CARNS1: variants seen among roughly 807,000 people sequenced by gnomAD.
The protein encoded by CARNS1 is carnosine synthase 1, also known as ATP-grasp domain containing 1.
Under a neutral mutation model 74.0 loss-of-function variants are expected in CARNS1, and 61 were observed. The ratio of observed to expected loss-of-function variants is 0.82; its 90% CI spans 0.67 to 1.02. CARNS1 has a LOEUF of 1.02. CARNS1 is among the 50% of genes least tolerant of loss of function. The probability of loss-of-function intolerance (pLI) is 0.00; values close to 1 mark genes in which losing one functional copy is unlikely to be tolerated. For synonymous variants in CARNS1, 568 were observed against 605.5 expected, an observed-to-expected ratio of 0.94 and a Z score of 0.91; for missense variants, 1,278 against 1,308.4, an observed-to-expected ratio of 0.98 and a Z score of 0.36.
intron 2 of CARNS1, chr11:67,416,757 C>T (rs975199446): frequency 2.4e-5 from 24 of 985,948 alleles, no homozygotes; most frequent in Middle Eastern, 5.2e-4. Context: ...ATTGGGGGGG[C>T]GCCAGCCTCA....
Position 67,423,322 on chromosome 11 carries a change from C to T in CARNS1, c.1627-53C>T. On this transcript the variant is annotated intron_variant, in intron 9 of 9. Coordinates refer to ENST00000687366, the MANE Select transcript of CARNS1 (RefSeq NM_001166222.2). This position sits in a 1 kb window ranked among gnomAD's most constrained non-coding sequence, Gnocchi z 5.1. The stretch of plus-strand genomic sequence containing the variant: ...CCATCCTAGGCCCCATCCTATCCCC[C>T]TAGCACCCAGTACTAGCTGACCTGG... 7.1e-6 allele frequency: 11 copies of T among 1,559,104 alleles called. No individual in the cohort carries two copies. The highest frequency in any genetic ancestry group is 9.6e-6 in the Non-Finnish European group (11 of 1,147,816).
rs1565136202 is a variant in CARNS1 at position 67,419,799 on chromosome 11, GGT to G, written c.1079_1080del (p.Cys360SerfsTer5). On this transcript the variant is annotated frameshift_variant, in exon 7 of 10. Transcript: ENST00000687366. LOFTEE classifies it high-confidence loss of function. Reference sequence around the variant, plus strand: ...GCCTGGCCGTGCGAATCTGTGCTGTGGTGTGTCGGACACAGGGTGATAGGCCA... The same window carrying G: ...GCCTGGCCGTGCGAATCTGTGCTGTGGTGTCGGACACAGGGTGATAGGCCA... Reference protein sequence around the residue: ...PGLAVRICAVVCRTQGDRPLL... With the variant: ...PGLAVRICAVXCRTQGDRPLL... 5 of 1,601,526 alleles carry G rather than the reference GGT, an allele frequency of 3.1e-6. No homozygotes were observed. The highest frequency in any genetic ancestry group is 1.7e-4 in the Middle Eastern group (1 of 6,056).
Position 67,417,406 on chromosome 11 carries a change from G to C in CARNS1, c.4-1G>C, listed in dbSNP as rs1863569646. 1.5e-6 allele frequency: 2 copies of C among 1,349,594 alleles called. No homozygotes were observed. The highest frequency in any genetic ancestry group is 6.1e-5 in the East Asian group (2 of 33,008). The allele number at this position is 1,349,594 out of a possible 1,614,324, so 83.6% of individuals were successfully genotyped here. Reference sequence around the variant, plus strand: ...AAGACCTACCACTTCTGCCCTCTCAGCTCTCCCTGGATCCATCGGGTCCCG... The same window carrying C: ...AAGACCTACCACTTCTGCCCTCTCACCTCTCCCTGGATCCATCGGGTCCCG... On this transcript the variant is annotated splice_acceptor_variant, in intron 2 of 9. Coordinates refer to ENST00000687366, the MANE Select transcript of CARNS1 (RefSeq NM_001166222.2). LOFTEE classifies it high-confidence loss of function.
At position 67,417,545 on chromosome 11, in the gene CARNS1, C is replaced by T; in HGVS notation, c.142C>T (p.Leu48=). The T allele has an allele frequency of 7.1e-7, 1 of 1,409,736 alleles. No homozygotes were observed. Among genetic ancestry groups the T allele is most frequent in the South Asian group, 1.5e-5 (1 of 65,778 alleles). The allele number at this position is 1,409,736 out of a possible 1,614,324, so 87.3% of individuals were successfully genotyped here. ...TGGCTCCTGGCGCCAGGACGTGGGC[C>T]TGGACTGCAAGGGATCCCCCGAGGG... ...FPGSWRQDVG[L]DCKGSPEGAE... is the part of the protein sequence containing the mutation. The change falls in exon 3 of 10, where the codon CTG becomes TTG. Residue 48 remains leucine, a synonymous_variant. Transcript: ENST00000687366.
In CARNS1 at chr11:67,424,900, G is replaced by A. The variant is rs997789381; in HGVS notation, c.*299G>A. Reference sequence around the variant, plus strand: ...ACACACACACACACACACCTCTGACGCCAGCTCCCCAGGTGGGAGTGGGCC... The same window carrying A: ...ACACACACACACACACACCTCTGACACCAGCTCCCCAGGTGGGAGTGGGCC... On this transcript the variant is annotated 3_prime_UTR_variant, in exon 10 of 10. Coordinates refer to ENST00000687366, the MANE Select transcript of CARNS1 (RefSeq NM_001166222.2). 10 of 543,056 alleles carry A rather than the reference G, an allele frequency of 1.8e-5. No individual in the cohort carries two copies. The highest frequency in any genetic ancestry group is 3.0e-5 in the Non-Finnish European group (9 of 304,158). The allele number at this position is 543,056 out of a possible 1,614,324, so 33.6% of individuals were successfully genotyped here. A position where few individuals can be genotyped will look rare whatever the true frequency, so the allele number is the denominator to read the frequency against.
In CARNS1 at chr11:67,424,037, G is replaced by A. The variant is rs778066280; in HGVS notation, c.2289G>A (p.Thr763=). The change falls in exon 10 of 10, where the codon ACG becomes ACA. Residue 763 remains threonine (T), a synonymous_variant. Transcript: ENST00000687366. ...CGAGGCTGCCTGGCTTCACTGAGAC[G>A]GCGGCCTGCATGCCCACCGGGCTGG... ...GPTRLPGFTE[T]AACMPTGLAP... The A allele has an allele frequency of 8.1e-6, 13 of 1,612,466 alleles. No individual in the cohort carries two copies. The highest frequency in any genetic ancestry group is 4.4e-5 in the South Asian group (4 of 91,042).
intron 7 of CARNS1, among the ~76,000 whole-genome samples, chr11:67,420,408 G>A (rs1665640837): frequency 6.6e-6 from 1 of 152,232 alleles, no homozygotes; most frequent in African/African-American, 2.4e-5. Flanking sequence ...TGGAAGCCTG[G>A]GTAGGTAGAA....
At position 67,424,700 on chromosome 11, in the gene CARNS1, C is replaced by G; in HGVS notation, c.*99C>G. The stretch of plus-strand genomic sequence containing the variant: ...CTGCTTCTCTCCCCATCACCATGCC[C>G]CAGCCCCAGCCTGGCCCGCTGCAAT... On this transcript the variant is annotated 3_prime_UTR_variant, in exon 10 of 10. Transcript: ENST00000687366. 7.6e-7 allele frequency: 1 copy of G among 1,314,102 alleles called. No individual in the cohort carries two copies. The highest frequency in any genetic ancestry group is 1.0e-6 in the Non-Finnish European group (1 of 979,842). The allele number at this position is 1,314,102 out of a possible 1,614,324, so 81.4% of individuals were successfully genotyped here.
At position 67,417,281 on chromosome 11, in the gene CARNS1, A is replaced by G. The variant is rs1055015128; in HGVS notation, c.4-126A>G. ...CCCCAACACAAGCCTTTCCTCTCCTAGTCCCCGGGACGGTGTCAGCCCTGA... is the reference window on the plus strand; with the variant it reads ...CCCCAACACAAGCCTTTCCTCTCCTGGTCCCCGGGACGGTGTCAGCCCTGA... On this transcript the variant is annotated intron_variant, in intron 2 of 9. Transcript: ENST00000687366. 1.1e-5 allele frequency: 14 copies of G among 1,240,410 alleles called. No individual in the cohort carries two copies. In the African/African-American group the frequency reaches 2.0e-4, roughly 18 times the overall value. The allele number at this position is 1,240,410 out of a possible 1,614,324, so 76.8% of individuals were successfully genotyped here.
rs1208697206 is a variant in CARNS1 at position 67,421,212 on chromosome 11, G to C, written c.1619G>C (p.Gly540Ala). Residue 540 changes from glycine (G) to alanine (A), a missense_variant, in exon 9 of 10, where the codon GGG becomes GCG. By Grantham distance (60) the Gly-to-Ala change is moderately conservative (BLOSUM62 0). This residue lies in a region of CARNS1 where 1,164 missense variants were observed against 1,156.5 expected (regional missense o/e 1.01). Coordinates refer to ENST00000687366, the MANE Select transcript of CARNS1 (RefSeq NM_001166222.2). ...KFVWEAARDY[G>A]LQLHLVESDP... ...GTGTGGGAGGCGGCGCGCGACTACG[G>C]GCTCCAGGTGGGCGGGGCGCGGGGC... 53 of 1,488,692 alleles carry C rather than the reference G, an allele frequency of 3.6e-5. No homozygotes were observed. Among genetic ancestry groups the C allele is most frequent in the African/African-American group, 4.4e-5 (3 of 68,370 alleles). 92.2% of individuals were successfully genotyped at this position (1,488,692 alleles called of 1,614,324 possible).
rs543904692 is a variant in CARNS1, at chr11:67,424,267, T to C, written c.2519T>C (p.Met840Thr). ...YGVDLLLAAV[M>T]VACGLRPALP... is the part of the protein sequence containing the mutation. The stretch of plus-strand genomic sequence containing the variant: ...GTTGACCTGCTGCTGGCTGCTGTTA[T>C]GGTGGCCTGTGGCTTGCGTCCTGCC... Residue 840 changes from methionine (M) to threonine (T), a missense_variant, in exon 10 of 10, where the codon ATG becomes ACG. Physicochemically the swap from Met to Thr is moderately conservative, Grantham distance 81. This residue lies in a region of CARNS1 where 1,164 missense variants were observed against 1,156.5 expected (regional missense o/e 1.01). Transcript: ENST00000687366. The C allele has an allele frequency of 8.7e-6, 14 of 1,613,408 alleles. No individual in the cohort carries two copies. Among genetic ancestry groups the C allele is most frequent in the Admixed American group, 3.3e-5 (2 of 60,014 alleles).
At position 67,418,468 on chromosome 11, in the gene CARNS1, C is replaced by T; in HGVS notation, c.312C>T (p.Gly104=). 10 of 1,478,848 alleles carry T rather than the reference C, an allele frequency of 6.8e-6. No individual in the cohort carries two copies. The highest frequency in any genetic ancestry group is 8.9e-6 in the Non-Finnish European group (10 of 1,118,398). The allele number at this position is 1,478,848 out of a possible 1,614,324, so 91.6% of individuals were successfully genotyped here. Residue 104 remains glycine, a synonymous_variant, in exon 4 of 10, where the codon GGC becomes GGT. Coordinates refer to ENST00000687366, the MANE Select transcript of CARNS1 (RefSeq NM_001166222.2). ...PGAEVTLCVL[G]SPSTFLPVLL... is the part of the protein sequence containing the mutation. ...CGGAGGTGACCTTGTGCGTTCTGGG[C>T]TCCCCCAGCACCTTTCTGCCTGTGC...
chr11:67,418,453 C>T lies in CARNS1; in HGVS notation c.297C>T (p.Thr99=). The change falls in exon 4 of 10, where the codon ACC becomes ACT. Residue 99 remains threonine, a synonymous_variant. Transcript: ENST00000687366. ...PRTGCPGAEV[T]LCVLGSPSTF... Reference sequence around the variant, plus strand: ...GAGGCTGTCCTGGGGCGGAGGTGACCTTGTGCGTTCTGGGCTCCCCCAGCA... The same window carrying T: ...GAGGCTGTCCTGGGGCGGAGGTGACTTTGTGCGTTCTGGGCTCCCCCAGCA... 1 of 1,464,852 alleles carries T rather than the reference C, an allele frequency of 6.8e-7. No individual in the cohort carries two copies. The highest frequency in any genetic ancestry group is 9.0e-7 in the Non-Finnish European group (1 of 1,111,750). 90.7% of individuals were successfully genotyped at this position (1,464,852 alleles called of 1,614,324 possible).
chr11:67,419,649 C>T lies in CARNS1; in HGVS notation c.1015C>T (p.Leu339=). The T allele has an allele frequency of 1.3e-6, 2 of 1,595,512 alleles. No individual in the cohort carries two copies. The highest frequency in any genetic ancestry group is 8.5e-7 in the Non-Finnish European group (1 of 1,171,772). ...LVEAVYPPAQ[L]PCSDGPSPGP... ...GGAGGCTGTGTACCCACCTGCCCAG[C>T]TGCCCTGCTCAGGTGAGAGCCACCT... The change falls in exon 6 of 10, where the codon CTG becomes TTG. Residue 339 remains leucine, a synonymous_variant. Coordinates refer to ENST00000687366, the MANE Select transcript of CARNS1 (RefSeq NM_001166222.2).
intron 5 of CARNS1, 76 bp from the exon 6 acceptor site, chr11:67,419,411 C>A: frequency 6.4e-7 from 1 of 1,556,320 alleles, no homozygotes; most frequent in Admixed American, 1.9e-5. Flanking sequence ...TACTCACCGG[C>A]TCCTGTGGCG....
rs1443497668 is a variant in CARNS1 at position 67,424,076 on chromosome 11, G to A, written c.2328G>A (p.Glu776=). 1.2e-6 allele frequency: 2 copies of A among 1,613,334 alleles called. No homozygotes were observed. The highest frequency in any genetic ancestry group is 2.7e-5 in the African/African-American group (2 of 74,928). ...CCACCGGGCTGGCACCAGAGCAGGA[G>A]GCACAGATGGTTCAGGCAGCCTTCC... ...CMPTGLAPEQ[E]AQMVQAAFRC... Residue 776 remains glutamate, a synonymous_variant, in exon 10 of 10, where the codon GAG becomes GAA. Transcript: ENST00000687366.
rs371976976 is a variant in CARNS1, at chr11:67,424,161, G to A, written c.2413G>A (p.Gly805Arg). ...CTTCAACGTGGAGCTCAAGCTGACC[G>A]GGGCTGGGCCTCGGCTTATCGAGAT... ...GVFNVELKLTGAGPRLIEINP... is the reference protein window; with the variant it reads ...GVFNVELKLTRAGPRLIEINP... The change falls in exon 10 of 10, where the codon GGG becomes AGG. Residue 805 changes from glycine to arginine, a missense_variant. Physicochemically the swap from Gly to Arg is moderately radical, Grantham distance 125 (BLOSUM62 -2). Coordinates refer to ENST00000687366, the MANE Select transcript of CARNS1 (RefSeq NM_001166222.2). 1.1e-5 allele frequency: 18 copies of A among 1,613,810 alleles called. No individual in the cohort carries two copies. The highest frequency in any genetic ancestry group is 1.6e-4 in the Middle Eastern group (1 of 6,084).
In CARNS1 at chr11:67,417,629, C is replaced by G; in HGVS notation, c.226C>G (p.Gln76Glu). 1 of 1,271,402 alleles carries G rather than the reference C, an allele frequency of 7.9e-7. No homozygotes were observed. The highest frequency in any genetic ancestry group is 9.9e-7 in the Non-Finnish European group (1 of 1,006,606). 78.8% of individuals were successfully genotyped at this position (1,271,402 alleles called of 1,614,324 possible). Residue 76 changes from glutamine to glutamate, a missense_variant, in exon 3 of 10, where the codon CAA (glutamine) becomes GAA (glutamate). Gln to Glu is a conservative substitution (Grantham distance 29, BLOSUM62 2). Around this residue, in one of 3 missense-constraint regions of CARNS1, gnomAD observed 104 missense variants for 127.3 expected, o/e 0.82. Coordinates refer to ENST00000687366, the MANE Select transcript of CARNS1 (RefSeq NM_001166222.2). The part of the protein sequence containing the change: ...YYSLLQSCLQ[Q>E]AGLPETQDRG... ...CAGCCTCCTGCAGAGCTGTCTGCAGCAAGCTGGCCTTCCGGAGACTCAGGA... is the reference window on the plus strand; with the variant it reads ...CAGCCTCCTGCAGAGCTGTCTGCAGGAAGCTGGCCTTCCGGAGACTCAGGA...
intron 7 of CARNS1, among the ~76,000 whole-genome samples, chr11:67,420,324 G>C (rs1439749008): frequency 6.6e-6 from 1 of 151,958 alleles, no homozygotes; most frequent in Non-Finnish European, 1.5e-5. Flanking sequence ...GGAGATGCTA[G>C]GGTGGGGCAC....
Sources: allele counts gnomAD v4.1 joint callset (sites outside exome capture counted in the v4.1 genomes callset), GRCh38; gene constraint gnomAD v4.1.1; regional missense constraint gnomAD v4.1.1; non-coding constraint Gnocchi (gnomAD v3.1); transcripts MANE v1.5; gene names NCBI Gene and HGNC (gene_info 2026-07-23, HGNC 2026-07-21).